ZNF134: variants seen among roughly 807,000 people sequenced by gnomAD.
ZNF134 encodes the protein zinc finger protein 134.
A neutral mutation model predicts 2.5 loss-of-function variants in ZNF134; 5 were observed. The ratio of observed to expected loss-of-function variants is 2.03; its 90% CI spans 1.06 to 4.27. The LOEUF is 4.27. ZNF134 is among the 30% of genes most tolerant of loss of function. The pLI, the probability that ZNF134 is intolerant of heterozygous loss-of-function variation, is 0.00. For synonymous variants in ZNF134, 176 were observed against 176.2 expected (o/e 1.00, Z 0.01); for missense variants, 540 against 517.5 (o/e 1.04, Z -0.42).
Position 57,619,501 on chromosome 19 carries a change from A to C in ZNF134, c.33A>C (p.Thr11=), listed in dbSNP as rs1981138606. The C allele has an allele frequency of 6.2e-7, 1 of 1,603,386 alleles. No individual in the cohort carries two copies. Among genetic ancestry groups the C allele is most frequent in the Admixed American group, 1.7e-5 (1 of 58,490 alleles). The part of the protein sequence containing the change: MTLVTAGGAW[T]GPGCWHEVKD... The stretch of plus-strand genomic sequence containing the variant: ...TAGTCACAGCAGGAGGGGCTTGGAC[A>C]GGCCCTGGTGAGTGGGAGCTGAGGG... Residue 11 remains threonine, a synonymous_variant, in exon 2 of 3, where the codon ACA becomes ACC. Transcript: ENST00000396161.
rs375727806 is a variant in ZNF134, at chr19:57,621,459, A to G, written c.*56A>G. On this transcript the variant is annotated 3_prime_UTR_variant, in exon 3 of 3. Transcript: ENST00000396161. ...TCAGATGTTGAATTTCATGTATCTG[A>G]ACATTGACACAAAGGAGATACCTTA... is the stretch of plus-strand genomic sequence containing the variant. 40 of 1,603,200 alleles carry G rather than the reference A, an allele frequency of 2.5e-5. No homozygotes were observed. In the African/African-American group the frequency reaches 4.3e-4, roughly 17 times the overall value.
At chr19:57,617,864 G>C (rs572391777) in intron 1 of ZNF134, among the ~76,000 whole-genome samples, 1 of 152,310 alleles carries the variant, frequency 6.6e-6, no homozygotes, top group East Asian at 1.9e-4. Context: ...AGGTGGCAAA[G>C]CGTTCCAGGC....
Position 57,620,810 on chromosome 19 carries a change from C to A in ZNF134, c.691C>A (p.Pro231Thr). The change falls in exon 3 of 3, where the codon CCT becomes ACT. Residue 231 changes from proline to threonine, a missense_variant. Transcript: ENST00000396161. The part of the protein sequence containing the change: ...QHQRIHTGER[P>T]YECSECGKTF... The stretch of plus-strand genomic sequence containing the variant: ...TCAGAGAATCCATACTGGAGAAAGG[C>A]CTTATGAATGCAGCGAATGTGGAAA... The A allele has an allele frequency of 6.2e-7, 1 of 1,614,182 alleles. No homozygotes were observed. Among genetic ancestry groups the A allele is most frequent in the Non-Finnish European group, 8.5e-7 (1 of 1,180,028 alleles).
rs568538383 is a variant in ZNF134, at chr19:57,615,731, G to A, written c.-58+1228G>A. On this transcript the variant is annotated intron_variant, in intron 1 of 2. Transcript: ENST00000396161. Reference sequence around the variant, plus strand: ...GTATTTGTGAGTATTTTCCAAATAAGGAAGAGGGAAGGGGAAGGTGAGTTA... The same window carrying A: ...GTATTTGTGAGTATTTTCCAAATAAAGAAGAGGGAAGGGGAAGGTGAGTTA... Among the ~76,000 whole-genome samples, 6 of 152,240 alleles carry A rather than the reference G, an allele frequency of 3.9e-5. No individual in the cohort carries two copies. The East Asian group carries it at 9.7e-4, about 25-fold the overall frequency.
rs575856462 is a variant in ZNF134 at position 57,618,325 on chromosome 19, G to C, written c.-57-1087G>C. Among the ~76,000 whole-genome samples the C allele has an allele frequency of 7.9e-5, 12 of 152,294 alleles. No individual in the cohort carries two copies. The South Asian group carries it at 1.0e-3, about 13-fold the overall frequency. On this transcript the variant is annotated intron_variant, in intron 1 of 2. Coordinates refer to ENST00000396161, the MANE Select transcript of ZNF134 (RefSeq NM_003435.5). Reference sequence around the variant, plus strand: ...TGGATGCATTATCCAAGCATTCTCTGGATGCTGTGTGCAGATTTGCATGTG... The same window carrying C: ...TGGATGCATTATCCAAGCATTCTCTCGATGCTGTGTGCAGATTTGCATGTG...
In ZNF134 at chr19:57,620,674, C is replaced by A. The variant is rs758921004; in HGVS notation, c.555C>A (p.Phe185Leu). 1.9e-6 allele frequency: 3 copies of A among 1,614,002 alleles called. No homozygotes were observed. The African/African-American group carries it at 4.0e-5, about 22-fold the overall frequency. Reference sequence around the variant, plus strand: ...AGTGCAGTGAATGTGGGAAAGCTTTCAGCCGCAAAGACACACTTGTCCAGC... The same window carrying A: ...AGTGCAGTGAATGTGGGAAAGCTTTAAGCCGCAAAGACACACTTGTCCAGC... ...HYKCSECGKA[F>L]SRKDTLVQHQ... is the part of the protein sequence containing the mutation. Residue 185 changes from phenylalanine to leucine, a missense_variant, in exon 3 of 3, where the codon TTC becomes TTA. Coordinates refer to ENST00000396161, the MANE Select transcript of ZNF134 (RefSeq NM_003435.5).
At chr19:57,616,022 C>T (rs547923390) in intron 1 of ZNF134, among the ~76,000 whole-genome samples, 4 of 152,324 alleles carry the variant, frequency 2.6e-5, no homozygotes, top group South Asian at 2.1e-4. Context: ...GTAGCCTGGC[C>T]TGCACTGGAG....
rs902147453 is a variant in ZNF134, at chr19:57,621,303, C to G, written c.1184C>G (p.Thr395Ser). Residue 395 changes from threonine to serine, a missense_variant, in exon 3 of 3, where the codon ACT (threonine) becomes AGT (serine). By Grantham distance (58) the Thr-to-Ser change is moderately conservative. Coordinates refer to ENST00000396161, the MANE Select transcript of ZNF134 (RefSeq NM_003435.5). ...CTTGTTCGACACCAAAGAGTTCACA[C>G]TGGAGAAAGGCCATATGAGTGCAGT... is the stretch of plus-strand genomic sequence containing the variant. ...SHLVRHQRVH[T>S]GERPYECSEC... 2 of 1,614,022 alleles carry G rather than the reference C, an allele frequency of 1.2e-6. No individual in the cohort carries two copies. Among genetic ancestry groups the G allele is most frequent in the Non-Finnish European group, 1.7e-6 (2 of 1,180,006 alleles).
Position 57,622,997 on chromosome 19 carries a change from T to A in ZNF134, c.*1594T>A, listed in dbSNP as rs1032966762. The A allele has an allele frequency of 1.4e-5, 2 of 145,394 alleles. No homozygotes were observed. Among genetic ancestry groups the A allele is most frequent in the African/African-American group, 2.6e-5 (1 of 38,978 alleles). The allele number at this position is 145,394 out of a possible 1,614,324, so 9.0% of individuals were successfully genotyped here. ...CACACACACACACACACACACACAC[T>A]TGAAACTATCACCCTATCAGTGGTA... On this transcript the variant is annotated 3_prime_UTR_variant, in exon 3 of 3. Coordinates refer to ENST00000396161, the MANE Select transcript of ZNF134 (RefSeq NM_003435.5).
At chr19:57,619,271 G>A (rs1344430522) in intron 1 of ZNF134, 141 bp from the exon 2 acceptor site, 1 of 655,846 alleles carries the variant, frequency 1.5e-6, no homozygotes, top group African/African-American at 1.8e-5. Context: ...ACCACTTGTG[G>A]GCCCACTGCA....
chr19:57,621,525 C>A lies in ZNF134; in HGVS notation c.*122C>A. On this transcript the variant is annotated 3_prime_UTR_variant, in exon 3 of 3. Coordinates refer to ENST00000396161, the MANE Select transcript of ZNF134 (RefSeq NM_003435.5). Reference sequence around the variant, plus strand: ...GGGAACCTTCTAGGGATATGTTGCACTTTCTGACTTGCTCAGGTTTTTTGC... The same window carrying A: ...GGGAACCTTCTAGGGATATGTTGCAATTTCTGACTTGCTCAGGTTTTTTGC... 1 of 1,484,720 alleles carries A rather than the reference C, an allele frequency of 6.7e-7. No individual in the cohort carries two copies. The highest frequency in any genetic ancestry group is 9.3e-7 in the Non-Finnish European group (1 of 1,076,312). The allele number at this position is 1,484,720 out of a possible 1,614,324, so 92.0% of individuals were successfully genotyped here. A position where few individuals can be genotyped will look rare whatever the true frequency, so the allele number is the denominator to read the frequency against.
chr19:57,615,373 G>T (rs1981023231), intron 1 of ZNF134, among the ~76,000 whole-genome samples: 1 of 151,960 alleles, frequency 6.6e-6, no homozygotes, highest in South Asian at 2.1e-4. Flanking sequence ...TGAAGTGAGA[G>T]GTGGGTTTAG....
rs1305543771 is a variant in ZNF134, at chr19:57,620,849, A to G, written c.730A>G (p.Lys244Glu). The G allele has an allele frequency of 1.2e-6, 2 of 1,614,096 alleles. No homozygotes were observed. The highest frequency in any genetic ancestry group is 8.5e-7 in the Non-Finnish European group (1 of 1,180,040). The change falls in exon 3 of 3, where the codon AAA (lysine) becomes GAA (glutamate). Residue 244 changes from lysine to glutamate, a missense_variant. By Grantham distance (56) the Lys-to-Glu change is moderately conservative. Coordinates refer to ENST00000396161, the MANE Select transcript of ZNF134 (RefSeq NM_003435.5). ...CGAATGTGGAAAAACCTTCAGTCGA[A>G]AAGACAACCTTACTCAGCACAAGAG... is the stretch of plus-strand genomic sequence containing the variant. ...CSECGKTFSR[K>E]DNLTQHKRIH...
chr19:57,618,456 G>A (rs1415945638), intron 1 of ZNF134, among the ~76,000 whole-genome samples: 1 of 152,198 alleles, frequency 6.6e-6, no homozygotes, highest in Non-Finnish European at 1.5e-5. Flanking sequence ...CATGAGCCCA[G>A]AGCTTTGGTA....
rs1413910590 is a variant in ZNF134, at chr19:57,614,314, G to A, written c.-247G>A. 2.2e-6 allele frequency: 1 copy of A among 453,844 alleles called. No individual in the cohort carries two copies. Among genetic ancestry groups the A allele is most frequent in the Admixed American group, 2.4e-5 (1 of 42,418 alleles). The allele number at this position is 453,844 out of a possible 1,614,324, so 28.1% of individuals were successfully genotyped here. ...CTCGGGGTTGCTGGGCGGTTCCGAG[G>A]TGACGGAAGCGGGAGGGTGCGGGAG... On this transcript the variant is annotated 5_prime_UTR_variant, in exon 1 of 3. The change creates a new upstream start codon in the 5' untranslated region. Coordinates refer to ENST00000396161, the MANE Select transcript of ZNF134 (RefSeq NM_003435.5).
intron 1 of ZNF134, among the ~76,000 whole-genome samples, chr19:57,614,758 G>C (rs575414822): frequency 6.6e-6 from 1 of 152,300 alleles, no homozygotes; most frequent in East Asian, 1.9e-4. Flanking sequence ...CCTTCATTGC[G>C]AGGACGATAG....
rs1393360255 is a variant in ZNF134 at position 57,622,328 on chromosome 19, A to G, written c.*925A>G. ...GTGGCCATATTCCCTGAAGGCCTGAATCTGTTTCACAGGCCACTGTTGGTA... is the reference window on the plus strand; with the variant it reads ...GTGGCCATATTCCCTGAAGGCCTGAGTCTGTTTCACAGGCCACTGTTGGTA... On this transcript the variant is annotated 3_prime_UTR_variant, in exon 3 of 3. Transcript: ENST00000396161. 6.6e-6 allele frequency: 1 copy of G among 152,252 alleles called. No homozygotes were observed. The highest frequency in any genetic ancestry group is 2.4e-5 in the African/African-American group (1 of 41,432). The allele number at this position is 152,252 out of a possible 1,614,324, so 9.4% of individuals were successfully genotyped here. A position where few individuals can be genotyped will look rare whatever the true frequency, so the allele number is the denominator to read the frequency against.
chr19:57,620,935 C>T lies in ZNF134; in HGVS notation c.816C>T (p.His272=), dbSNP rs756549814. The T allele has an allele frequency of 1.9e-6, 3 of 1,614,226 alleles. No homozygotes were observed. Among genetic ancestry groups the T allele is most frequent in the East Asian group, 2.2e-5 (1 of 44,882 alleles). ...AATGTGGGAAATATTTTAGCCATCA[C>T]TCCAATCTAATTGTACACCAGAGAG... is the stretch of plus-strand genomic sequence containing the variant. The part of the protein sequence containing the change: ...CNECGKYFSH[H]SNLIVHQRVH... Residue 272 remains histidine, a synonymous_variant, in exon 3 of 3, where the codon CAC becomes CAT. Transcript: ENST00000396161.
Position 57,620,852 on chromosome 19 carries a change from G to A in ZNF134, c.733G>A (p.Asp245Asn). The A allele has an allele frequency of 1.2e-6, 2 of 1,614,172 alleles. No homozygotes were observed. The highest frequency in any genetic ancestry group is 1.7e-6 in the Non-Finnish European group (2 of 1,180,012). ...SECGKTFSRK[D>N]NLTQHKRIHT... Reference sequence around the variant, plus strand: ...ATGTGGAAAAACCTTCAGTCGAAAAGACAACCTTACTCAGCACAAGAGAAT... The same window carrying A: ...ATGTGGAAAAACCTTCAGTCGAAAAAACAACCTTACTCAGCACAAGAGAAT... The change falls in exon 3 of 3, where the codon GAC becomes AAC. Residue 245 changes from aspartate to asparagine, a missense_variant. Transcript: ENST00000396161.
Sources: allele counts gnomAD v4.1 joint callset (sites outside exome capture counted in the v4.1 genomes callset), GRCh38; gene constraint gnomAD v4.1.1; transcripts MANE v1.5; gene names NCBI Gene and HGNC (gene_info 2026-07-23, HGNC 2026-07-21).